CNTLN: variants seen among roughly 807,000 people sequenced by gnomAD.
CNTLN encodes centlein, also known as centlein, centrosomal protein.
In CNTLN, 212 loss-of-function variants were observed where a neutral mutation model predicts 180.0. The ratio of observed to expected loss-of-function variants is 1.18; its 90% confidence interval spans 1.05 to 1.32. The LOEUF (loss-of-function observed/expected upper bound fraction) is 1.32, where lower values mean the gene tolerates loss of function less well. Among genes scored for constraint, CNTLN ranks in the 40% most tolerant of loss-of-function variants. The pLI is 0.00. For missense variants in CNTLN, 2,095 were observed against 1,610.9 expected, an observed-to-expected ratio of 1.30 and a Z score of -5.14; for synonymous variants, 722 against 563.1, an observed-to-expected ratio of 1.28 and a Z score of -3.99.
intron 2 of CNTLN, among the ~76,000 whole-genome samples, chr9:17,152,942 G>A (rs1818994392): frequency 6.6e-6 from 1 of 152,076 alleles, no homozygotes; most frequent in Non-Finnish European, 1.5e-5. Flanking sequence ...GATCTTTGTT[G>A]GTTTAAGATC....
intron 7 of CNTLN, among the ~76,000 whole-genome samples, chr9:17,303,163 C>G (rs1351441118): frequency 6.6e-6 from 1 of 152,048 alleles, no homozygotes; most frequent in Non-Finnish European, 1.5e-5. Flanking sequence ...TCTAGGTAAT[C>G]TTGGGTCCAG....
intron 2 of CNTLN, 121 bp from the exon 3 acceptor site, chr9:17,226,082 G>A (rs1824446527): frequency 4.1e-6 from 2 of 484,900 alleles, no homozygotes; most frequent in South Asian, 4.1e-5. Flanking sequence ...CACTTGCCAT[G>A]TGGTCAACTC....
intron 7 of CNTLN, among the ~76,000 whole-genome samples, chr9:17,305,832 T>C (rs564495061): frequency 6.6e-6 from 1 of 152,234 alleles, no homozygotes; most frequent in East Asian, 1.9e-4. Context: ...ATACATGAAA[T>C]CCAGTCAGCC....
In CNTLN at chr9:17,260,341, T is replaced by C. The variant is rs560612394; in HGVS notation, c.850-13392T>C. ...TTTGATTGCACTGTGGTCTGAGAGATAGTTTTTTATAATTTCTGTTCTTTT... is the reference window on the plus strand; with the variant it reads ...TTTGATTGCACTGTGGTCTGAGAGACAGTTTTTTATAATTTCTGTTCTTTT... On this transcript the variant is annotated intron_variant, in intron 5 of 25. Coordinates refer to ENST00000380647, the MANE Select transcript of CNTLN (RefSeq NM_017738.4). Among the ~76,000 whole-genome samples, 985 of 151,280 alleles carry C rather than the reference T, an allele frequency of 6.5e-3. 48 individuals are homozygous for C. Among genetic ancestry groups the C allele is most frequent in the African/African-American group, 0.023 (944 of 40,738 alleles).
chr9:17,166,876 T>C (rs1449303104), intron 2 of CNTLN: 2 of 459,804 alleles, frequency 4.3e-6, no homozygotes, highest in Admixed American at 5.0e-5. Flanking sequence ...AGATAAAAAG[T>C]TGGGATTGAG....
At chr9:17,462,314 A>C (rs896301243) in intron 19 of CNTLN, among the ~76,000 whole-genome samples, 1 of 151,768 alleles carries the variant, frequency 6.6e-6, no homozygotes, top group African/African-American at 2.4e-5. Flanking sequence ...ACCTTGGTAC[A>C]CTTCCACATG....
At chr9:17,309,546 TTG>T (rs1360999507) in intron 8 of CNTLN, among the ~76,000 whole-genome samples, 1 of 150,946 alleles carries the variant, frequency 6.6e-6, no homozygotes, top group African/African-American at 2.4e-5. Context: ...CATGCCCATT[TTG>T]AGACTTTTTA....
chr9:17,153,051 C>T (rs1819005242), intron 2 of CNTLN, among the ~76,000 whole-genome samples: 1 of 152,136 alleles, frequency 6.6e-6, no homozygotes, highest in African/African-American at 2.4e-5. Context: ...CTATGTGTGT[C>T]TTTGCACATG....
intron 18 of CNTLN, among the ~76,000 whole-genome samples, chr9:17,456,115 CTG>C (rs1291539665): frequency 1.3e-5 from 2 of 151,996 alleles, no homozygotes; most frequent in Non-Finnish European, 2.9e-5. Flanking sequence ...ATGAGAAACA[CTG>C]TGTAATTTAT....
chr9:17,163,776 C>T (rs949546541), intron 2 of CNTLN, among the ~76,000 whole-genome samples: 1 of 152,068 alleles, frequency 6.6e-6, no homozygotes, highest in African/African-American at 2.4e-5. Context: ...GCCTGTAATC[C>T]CAGCACTTTG....
At chr9:17,376,297 TG>T (rs1454394859) in intron 13 of CNTLN, among the ~76,000 whole-genome samples, 7 of 152,232 alleles carry the variant, frequency 4.6e-5, no homozygotes, top group Middle Eastern at 3.4e-3. Flanking sequence ...AATGACTTTA[TG>T]TTTTTTTGAA....
chr9:17,486,326 C>G (rs930640960), intron 24 of CNTLN, among the ~76,000 whole-genome samples: 18 of 152,004 alleles, frequency 1.2e-4, no homozygotes, highest in African/African-American at 4.3e-4. Flanking sequence ...TCACGCCCTT[C>G]CCTTCTTGGA....
At chr9:17,263,968 G>T (rs202233734) in intron 5 of CNTLN, among the ~76,000 whole-genome samples, 1 of 140,516 alleles carries the variant, frequency 7.1e-6, no homozygotes, top group Admixed American at 7.1e-5. Flanking sequence ...AGTAGGTTGC[G>T]AAAATTTTCT....
chr9:17,404,989 C>T (rs530558515), intron 15 of CNTLN, among the ~76,000 whole-genome samples: 58 of 151,708 alleles, frequency 3.8e-4, no homozygotes, highest in African/African-American at 8.5e-4. Flanking sequence ...CTGCCCACCT[C>T]GGCCTCCCAA....
intron 2 of CNTLN, among the ~76,000 whole-genome samples, chr9:17,151,918 T>C (rs1360712371): frequency 1.3e-5 from 2 of 152,192 alleles, no homozygotes; most frequent in Non-Finnish European, 2.9e-5. Flanking sequence ...AATTTATCCA[T>C]TTTTTCTAGA....
At chr9:17,169,897 A>T (rs564304712) in intron 2 of CNTLN, among the ~76,000 whole-genome samples, 9 of 152,304 alleles carry the variant, frequency 5.9e-5, no homozygotes, top group African/African-American at 2.2e-4. Context: ...TTGCAGTTCC[A>T]TATGAATTTT....
At chr9:17,264,812 T>A (rs902308345) in intron 5 of CNTLN, among the ~76,000 whole-genome samples, 4 of 151,930 alleles carry the variant, frequency 2.6e-5, no homozygotes, top group African/African-American at 4.8e-5. Flanking sequence ...ATTGTGAATG[T>A]GAGTTCACTC....
At chr9:17,298,125 C>A in intron 6 of CNTLN, 65 bp from the exon 7 acceptor site, 1 of 1,311,188 alleles carries the variant, frequency 7.6e-7, no homozygotes, top group Non-Finnish European at 9.9e-7. Context: ...CTTAGATGAA[C>A]ACAATTATTT....
In CNTLN at chr9:17,376,340, AAAG is replaced by A. The variant is rs373935613; in HGVS notation, c.1987+9626_1987+9628del. Among the ~76,000 whole-genome samples, 115 of 152,320 alleles carry A rather than the reference AAAG, an allele frequency of 7.5e-4. 2 individuals carry two copies. In the South Asian group the frequency reaches 0.023, roughly 30 times the overall value. On this transcript the variant is annotated intron_variant, in intron 13 of 25. Transcript: ENST00000380647. ...TACATACTTACATTCGAGCAGTAAGAAAGAAAAAAGAAGAAAGCAAAGAAAAAA... is the reference window on the plus strand; with the variant it reads ...TACATACTTACATTCGAGCAGTAAGAAAAAAAGAAGAAAGCAAAGAAAAAA...
Sources: gnomAD v4.1 joint callset for allele counts (sites outside exome capture counted in the v4.1 genomes callset) on GRCh38, gnomAD v4.1.1 for gene constraint, MANE v1.5 for transcripts, NCBI Gene and HGNC (gene_info 2026-07-23, HGNC 2026-07-21) for gene names.